Variants in GALNT13 observed in about 807,000 individuals in gnomAD.
GALNT13 encodes the protein UDP-GalNAc:polypeptide N-acetylgalactosaminyltransferase 13.
Under a neutral mutation model 64.2 loss-of-function variants are expected in GALNT13, and 28 were observed. The observed-to-expected ratio is 0.44, with a 90% CI of 0.32 to 0.60. The LOEUF (loss-of-function observed/expected upper bound fraction) is 0.60. GALNT13 is among the 20% of genes least tolerant of loss of function. The probability of loss-of-function intolerance (pLI) is 0.05; values close to 1 mark genes in which losing one functional copy is unlikely to be tolerated. For synonymous variants in GALNT13, 214 were observed against 224.6 expected, an observed-to-expected ratio of 0.95 and a Z score of 0.42; for missense variants, 577 against 669.8, an observed-to-expected ratio of 0.86 and a Z score of 1.53.
intron 9 of GALNT13, among the ~76,000 whole-genome samples, chr2:154,326,718 T>C (rs1182362664): frequency 6.6e-6 from 1 of 152,122 alleles, no homozygotes; most frequent in Non-Finnish European, 1.5e-5. Flanking sequence ...AAATCGAGCT[T>C]AGCCTTATTA....
the GALNT13 span, among the ~76,000 whole-genome samples, chr2:153,600,410 T>A: frequency 6.6e-6 from 1 of 152,064 alleles, no homozygotes; most frequent in Non-Finnish European, 1.5e-5. Context: ...TTAGCACTTT[T>A]GTTGCAAACA....
the GALNT13 span, among the ~76,000 whole-genome samples, chr2:153,446,535 C>T: frequency 6.6e-6 from 1 of 152,272 alleles, no homozygotes; most frequent in South Asian, 2.1e-4. Context: ...TATACTTCTA[C>T]TTATTTGGAA....
At chr2:154,031,688 C>T (rs1340737447) in intron 3 of GALNT13, among the ~76,000 whole-genome samples, 1 of 151,656 alleles carries the variant, frequency 6.6e-6, no homozygotes, top group Non-Finnish European at 1.5e-5. Flanking sequence ...ATCAATTTTC[C>T]AAGAAGACAC....
chr2:153,556,243 G>C, the GALNT13 span, among the ~76,000 whole-genome samples: 1 of 151,800 alleles, frequency 6.6e-6, no homozygotes, highest in Non-Finnish European at 1.5e-5. Flanking sequence ...TAAAGGTTGG[G>C]CTATTTTAAA....
At chr2:154,016,297 C>A (rs1312663129) in intron 3 of GALNT13, among the ~76,000 whole-genome samples, 1 of 152,106 alleles carries the variant, frequency 6.6e-6, no homozygotes, top group Non-Finnish European at 1.5e-5. Context: ...ATTTTGAATT[C>A]TTCATTCATA....
intron 2 of GALNT13, among the ~76,000 whole-genome samples, chr2:153,922,067 G>T (rs1689796847): frequency 6.6e-6 from 1 of 152,078 alleles, no homozygotes; most frequent in South Asian, 2.1e-4. Flanking sequence ...AATTTAGATT[G>T]CTGTCTTTGT....
At chr2:153,720,003 G>A in the GALNT13 span, among the ~76,000 whole-genome samples, 1 of 151,518 alleles carries the variant, frequency 6.6e-6, no homozygotes, top group African/African-American at 2.4e-5. Context: ...CCACCTCTGG[G>A]GGCAGGGCAC....
intron 3 of GALNT13, among the ~76,000 whole-genome samples, chr2:154,002,565 A>C (rs1695983138): frequency 6.6e-6 from 1 of 151,906 alleles, no homozygotes; most frequent in South Asian, 2.1e-4. Context: ...TTTTCTATAC[A>C]TATTTTCTTG....
At chr2:153,717,795 G>A in the GALNT13 span, among the ~76,000 whole-genome samples, 53 of 152,094 alleles carry the variant, frequency 3.5e-4, no homozygotes, top group South Asian at 7.9e-3. Flanking sequence ...GGATTACTTC[G>A]AGTAAAAATT....
chr2:153,588,870 G>A, the GALNT13 span, among the ~76,000 whole-genome samples: 10 of 152,160 alleles, frequency 6.6e-5, no homozygotes, highest in African/African-American at 2.2e-4. Flanking sequence ...TTGCTGCTTA[G>A]AAATTTCTTC....
the GALNT13 span, among the ~76,000 whole-genome samples, chr2:153,802,914 G>C: frequency 2.6e-5 from 4 of 152,370 alleles, no homozygotes; most frequent in African/African-American, 9.6e-5. Flanking sequence ...CAGAGGAAGA[G>C]AGGATGCATT....
At position 154,049,199 on chromosome 2, in the gene GALNT13, A is replaced by G. The variant is rs141590137; in HGVS notation, c.143-91138A>G. Among the ~76,000 whole-genome samples the G allele has an allele frequency of 8.6e-5, 13 of 152,008 alleles. 1 individual carries two copies. In the East Asian group the frequency reaches 2.3e-3, roughly 27 times the overall value. On this transcript the variant is annotated intron_variant, in intron 3 of 12. Transcript: ENST00000392825. Reference sequence around the variant, plus strand: ...AGTGCCTCATCTGATACACTGATACACTGATCAATGTGGAATAGGCTGAAA... The same window carrying G: ...AGTGCCTCATCTGATACACTGATACGCTGATCAATGTGGAATAGGCTGAAA...
chr2:154,376,591 A>C (rs1045436985), intron 9 of GALNT13, among the ~76,000 whole-genome samples: 1 of 152,154 alleles, frequency 6.6e-6, no homozygotes, highest in African/African-American at 2.4e-5. Context: ...TTTATATAGA[A>C]GTCAAAATTA....
chr2:153,820,410 G>A, the GALNT13 span, among the ~76,000 whole-genome samples: 2 of 152,034 alleles, frequency 1.3e-5, no homozygotes, highest in Non-Finnish European at 2.9e-5. Context: ...ATACAAAATG[G>A]TCATCACTAA....
the GALNT13 span, among the ~76,000 whole-genome samples, chr2:153,080,976 C>G: frequency 1.3e-5 from 2 of 151,760 alleles, no homozygotes; most frequent in East Asian, 3.9e-4. Context: ...ATTCACTGCC[C>G]ACCCTTAAAT....
the GALNT13 span, among the ~76,000 whole-genome samples, chr2:153,464,722 G>T: frequency 3.3e-5 from 5 of 152,040 alleles, no homozygotes; most frequent in African/African-American, 9.7e-5. Flanking sequence ...TTGATAATAA[G>T]TTATGTTTAA....
At chr2:153,966,532 A>AT (rs1055664933) in intron 3 of GALNT13, among the ~76,000 whole-genome samples, 27 of 150,204 alleles carry the variant, frequency 1.8e-4, no homozygotes, top group Non-Finnish European at 2.1e-4. Flanking sequence ...CGCCTGGCTA[A>AT]TTTTTTTTTG....
chr2:153,338,133 A>T, the GALNT13 span, among the ~76,000 whole-genome samples: 1 of 148,374 alleles, frequency 6.7e-6, no homozygotes, highest in South Asian at 2.2e-4. Flanking sequence ...CTCTACAAAC[A>T]ATAAAAAAAA....
At chr2:153,432,620 C>A in the GALNT13 span, among the ~76,000 whole-genome samples, 11 of 152,130 alleles carry the variant, frequency 7.2e-5, no homozygotes, top group Non-Finnish European at 1.3e-4. Context: ...CCCCATCCCC[C>A]ACCCCCAGTG....
Sources: allele counts gnomAD v4.1 joint callset (sites outside exome capture counted in the v4.1 genomes callset), GRCh38; gene constraint gnomAD v4.1.1; transcripts MANE v1.5; gene names NCBI Gene and HGNC (gene_info 2026-07-23, HGNC 2026-07-21).